Variants in B3GALT1 observed in about 807,000 individuals in gnomAD.
B3GALT1 encodes the protein beta-1,3-galactosyltransferase 1.
Under a neutral mutation model 23.2 loss-of-function variants are expected in B3GALT1, and 10 were observed. The ratio of observed to expected loss-of-function variants is 0.43; its 90% CI spans 0.27 to 0.73. The LOEUF (loss-of-function observed/expected upper bound fraction) is 0.73, where lower values mean the gene tolerates loss of function less well. B3GALT1 is among the 30% of genes least tolerant of loss of function. B3GALT1 has a pLI of 0.21. For synonymous variants in B3GALT1, 156 were observed against 141.5 expected (o/e 1.10, Z -0.73); for missense variants, 299 against 405.4 (o/e 0.74, Z 2.25).
intron 3 of B3GALT1, among the ~76,000 whole-genome samples, chr2:167,651,906 C>G (rs1231729788): frequency 1.3e-5 from 2 of 152,108 alleles, no homozygotes; most frequent in Admixed American, 1.3e-4. Context: ...AACTCTAACC[C>G]TGACAAAGAA....
chr2:167,779,676 TG>T (rs758639989), intron 3 of B3GALT1, among the ~76,000 whole-genome samples: 4 of 152,192 alleles, frequency 2.6e-5, no homozygotes, highest in Non-Finnish European at 5.9e-5. Flanking sequence ...TCATTTTATT[TG>T]TCTAGATGCT....
In B3GALT1 at chr2:167,872,184, G is replaced by A. The variant is rs1690363958; in HGVS notation, c.*2164G>A. ...CCCAAAGTGCTGGGATTACAAGCGT[G>A]AGCCACCGCGCCCGGCCCTATTTAC... On this transcript the variant is annotated 3_prime_UTR_variant, in exon 5 of 5. Coordinates refer to ENST00000392690, the MANE Select transcript of B3GALT1 (RefSeq NM_020981.4). 2.0e-5 allele frequency: 3 copies of A among 152,258 alleles called. No homozygotes were observed. In the South Asian group the frequency reaches 6.2e-4, roughly 32 times the overall value. The allele number at this position is 152,258 out of a possible 1,614,324, so 9.4% of individuals were successfully genotyped here. A position where few individuals can be genotyped will look rare whatever the true frequency, so the allele number is the denominator to read the frequency against.
At chr2:167,420,062 C>G (rs1025171653) in intron 1 of B3GALT1, among the ~76,000 whole-genome samples, 4 of 152,192 alleles carry the variant, frequency 2.6e-5, no homozygotes, top group Non-Finnish European at 5.9e-5. Flanking sequence ...TTTTCTCCAT[C>G]CCTTAGAGCA....
intron 2 of B3GALT1, among the ~76,000 whole-genome samples, chr2:167,562,591 T>C (rs1464747585): frequency 6.6e-6 from 1 of 151,620 alleles, no homozygotes; most frequent in Non-Finnish European, 1.5e-5. Flanking sequence ...CTTAAGCTGA[T>C]AAGCAACTTC....
At chr2:167,422,738 C>A (rs1698566665) in intron 1 of B3GALT1, among the ~76,000 whole-genome samples, 1 of 152,112 alleles carries the variant, frequency 6.6e-6, no homozygotes, top group African/African-American at 2.4e-5. Flanking sequence ...GACTGATGTT[C>A]TGGAAATGGC....
intron 3 of B3GALT1, among the ~76,000 whole-genome samples, chr2:167,751,717 T>C (rs1397631436): frequency 6.6e-6 from 1 of 152,174 alleles, no homozygotes; most frequent in Admixed American, 6.6e-5. Context: ...ATGAAACTTG[T>C]GTTATTTCAC....
intron 3 of B3GALT1, among the ~76,000 whole-genome samples, chr2:167,687,232 C>T (rs1004528913): frequency 2.0e-5 from 3 of 152,128 alleles, no homozygotes; most frequent in African/African-American, 7.2e-5. Context: ...CAGCAACTCT[C>T]TTGCATTATT....
At chr2:167,604,873 A>T (rs548397606) in intron 2 of B3GALT1, among the ~76,000 whole-genome samples, 2 of 152,320 alleles carry the variant, frequency 1.3e-5, no homozygotes, top group East Asian at 3.9e-4. Context: ...AGGAAGAGTG[A>T]GCCTTTCAGG....
At chr2:167,561,297 G>C (rs1683982914) in intron 2 of B3GALT1, among the ~76,000 whole-genome samples, 2 of 152,122 alleles carry the variant, frequency 1.3e-5, no homozygotes, top group South Asian at 2.1e-4. Flanking sequence ...CTGGGACACA[G>C]TCAGAGCAGT....
At chr2:167,633,747 GA>G (rs1229592728) in intron 2 of B3GALT1, among the ~76,000 whole-genome samples, 2 of 152,048 alleles carry the variant, frequency 1.3e-5, no homozygotes, top group Non-Finnish European at 2.9e-5. Flanking sequence ...ATAATAGTGG[GA>G]GACTTTAATG....
intron 3 of B3GALT1, among the ~76,000 whole-genome samples, chr2:167,649,771 C>G (rs1371427605): frequency 6.6e-6 from 1 of 151,956 alleles, no homozygotes; most frequent in Admixed American, 6.6e-5. Context: ...TTGTGTCCTA[C>G]AAGTTTACCA....
chr2:167,708,118 T>C (rs187035786), intron 3 of B3GALT1, among the ~76,000 whole-genome samples: 1 of 152,334 alleles, frequency 6.6e-6, no homozygotes, highest in East Asian at 1.9e-4. Flanking sequence ...GTGTCTCTGC[T>C]CTGTACTACA....
chr2:167,602,554 C>G lies in B3GALT1; in HGVS notation c.-409-44355C>G, dbSNP rs193269026. Among the ~76,000 whole-genome samples, 427 of 152,142 alleles carry G rather than the reference C, an allele frequency of 2.8e-3. 1 individual carries two copies. Among genetic ancestry groups the G allele is most frequent in the African/African-American group, 0.01 (416 of 41,502 alleles). On this transcript the variant is annotated intron_variant, in intron 2 of 4. Coordinates refer to ENST00000392690, the MANE Select transcript of B3GALT1 (RefSeq NM_020981.4). Reference sequence around the variant, plus strand: ...TTTTCTAATATATCAGTGTAGGACTCCAGCAAGCAGAGAGTAGATCAATAT... The same window carrying G: ...TTTTCTAATATATCAGTGTAGGACTGCAGCAAGCAGAGAGTAGATCAATAT...
intron 4 of B3GALT1, among the ~76,000 whole-genome samples, chr2:167,862,444 C>T (rs553373036): frequency 6.6e-6 from 1 of 152,220 alleles, no homozygotes; most frequent in South Asian, 2.1e-4. Context: ...TTTAGGCCTT[C>T]AGTGAATTAG....
At chr2:167,765,909 A>G (rs1172394631) in intron 3 of B3GALT1, among the ~76,000 whole-genome samples, 1 of 152,192 alleles carries the variant, frequency 6.6e-6, no homozygotes, top group Middle Eastern at 3.2e-3. Context: ...AAAAGCATTT[A>G]AACTCTGTTG....
intron 3 of B3GALT1, among the ~76,000 whole-genome samples, chr2:167,770,905 C>T (rs1197495357): frequency 6.6e-6 from 1 of 152,128 alleles, no homozygotes; most frequent in Non-Finnish European, 1.5e-5. Flanking sequence ...CCAGTGATAT[C>T]GCTGTGCCTT....
chr2:167,393,808 A>G (rs1574061679), intron 1 of B3GALT1, among the ~76,000 whole-genome samples: 2 of 152,194 alleles, frequency 1.3e-5, no homozygotes, highest in Admixed American at 6.5e-5. Flanking sequence ...GGACCTGTAC[A>G]TGCATCATGT....
chr2:167,780,602 C>T (rs1688230371), intron 3 of B3GALT1, among the ~76,000 whole-genome samples: 3 of 152,170 alleles, frequency 2.0e-5, no homozygotes, highest in African/African-American at 7.2e-5. Context: ...ATTGGTAAAG[C>T]CCGAATTATT....
At chr2:167,834,866 T>C (rs532373041) in intron 4 of B3GALT1, among the ~76,000 whole-genome samples, 2 of 152,196 alleles carry the variant, frequency 1.3e-5, no homozygotes, top group South Asian at 4.1e-4. Flanking sequence ...AAAAAGTTTC[T>C]AAACTAGTTA....
Sources: gnomAD v4.1 joint callset for allele counts (sites outside exome capture counted in the v4.1 genomes callset) on GRCh38, gnomAD v4.1.1 for gene constraint, MANE v1.5 for transcripts, NCBI Gene and HGNC (gene_info 2026-07-23, HGNC 2026-07-21) for gene names.